SRP68: variants seen among roughly 807,000 people sequenced by gnomAD.
The protein encoded by SRP68 is signal recognition particle 68.
Under a neutral mutation model 82.2 loss-of-function variants are expected in SRP68, and 15 were observed. The ratio of observed to expected loss-of-function variants is 0.18; its 90% CI spans 0.12 to 0.28. SRP68 has a LOEUF of 0.28. SRP68 is among the 10% of genes least tolerant of loss of function. The probability of loss-of-function intolerance (pLI) is 1.00; values close to 1 mark genes in which losing one functional copy is unlikely to be tolerated. For missense variants in SRP68, 595 were observed against 780.5 expected (o/e 0.76, Z 2.83); for synonymous variants, 261 against 292.6 (o/e 0.89, Z 1.10).
At chr17:76,053,571 A>G in intron 8 of SRP68, 1 of 985,360 alleles carries the variant, frequency 1.0e-6, no homozygotes, top group African/African-American at 1.7e-5. Context: ...TGCTGAAACC[A>G]AAAAACCTCC....
chr17:76,072,010 G>A lies in SRP68; in HGVS notation c.184+298C>T. The A allele has an allele frequency of 1.9e-6, 1 of 513,188 alleles. No individual in the cohort carries two copies. The highest frequency in any genetic ancestry group is 3.4e-6 in the Non-Finnish European group (1 of 293,338). The allele number at this position is 513,188 out of a possible 1,614,324, so 31.8% of individuals were successfully genotyped here. A position where few individuals can be genotyped will look rare whatever the true frequency, so the allele number is the denominator to read the frequency against. On this transcript the variant is annotated intron_variant, in intron 1 of 15. Coordinates refer to ENST00000307877, the MANE Select transcript of SRP68 (RefSeq NM_014230.4). This position sits in a 1 kb window ranked among gnomAD's most constrained non-coding sequence, Gnocchi z 4.5. The stretch of plus-strand genomic sequence containing the variant: ...GGTGCCAAAGCAAGGTGCTCAAGGT[G>A]TCACTTGGTCACAAGCCCTCCAACT...
chr17:76,044,036 G>A lies in SRP68; in HGVS notation c.1395-78C>T, dbSNP rs950275340. 8.9e-5 allele frequency: 133 copies of A among 1,501,474 alleles called. No individual in the cohort carries two copies. In the Middle Eastern group the frequency reaches 2.4e-3, roughly 27 times the overall value. 93.0% of individuals were successfully genotyped at this position (1,501,474 alleles called of 1,614,324 possible). ...CCAAGGCTTTCCTTGCAGTTTAGGC[G>A]AAATTTCACATTTGGAAACAGGTTT... On this transcript the variant is annotated intron_variant, in intron 12 of 15. Transcript: ENST00000307877.
intron 9 of SRP68, chr17:76,048,636 G>GA (rs1255596192): frequency 1.3e-5 from 2 of 152,238 alleles, no homozygotes; most frequent in Non-Finnish European, 2.9e-5. Flanking sequence ...GAAGCCAGGA[G>GA]ATGCATTCTT....
At chr17:76,045,029 A>C (rs2598432) in intron 12 of SRP68, 120,855 of 310,978 alleles carry the variant, frequency 0.39, 24,249 homozygotes, top group Admixed American at 0.52. Context: ...AGTGTGAGCC[A>C]CCGCGCCCAG....
intron 10 of SRP68, 118 bp downstream of exon 10, chr17:76,047,788 C>CAA (rs5822115): frequency 0.02 from 7,080 of 346,386 alleles, 8 homozygotes; most frequent in Middle Eastern, 0.039. Context: ...GATCCTGTCT[C>CAA]AAAAAAAAAA....
intron 6 of SRP68, 76 bp from the exon 7 acceptor site, chr17:76,060,466 A>C: frequency 9.7e-7 from 1 of 1,033,448 alleles, no homozygotes; most frequent in Non-Finnish European, 1.5e-6. Flanking sequence ...ACTCAGACTT[A>C]AAGAGCTCTT....
In SRP68 at chr17:76,062,711, C is replaced by A. The variant is rs185289319; in HGVS notation, c.562-1137G>T. On this transcript the variant is annotated intron_variant, in intron 4 of 15. Transcript: ENST00000307877. ...TATACATTATATATTGTATATTATA[C>A]AATATATTATATTTATTTTATATAT... Among the ~76,000 whole-genome samples the A allele has an allele frequency of 2.6e-4, 12 of 47,012 alleles. 1 individual carries two copies. Among genetic ancestry groups the A allele is most frequent in the African/African-American group, 1.0e-3 (7 of 6,762 alleles). The allele number at this position is 47,012 out of a possible 152,430, so 30.8% of individuals were successfully genotyped here.
Position 76,072,383 on chromosome 17 carries a change from C to T in SRP68, c.109G>A (p.Glu37Lys), listed in dbSNP as rs2144539951. 2 of 1,611,126 alleles carry T rather than the reference C, an allele frequency of 1.2e-6. No homozygotes were observed. The highest frequency in any genetic ancestry group is 1.3e-5 in the African/African-American group (1 of 74,908). Reference sequence around the variant, plus strand: ...GAAGGGCGTTCGTTTTCTTTATTTTCTTCCCCTCCGGCACCACGTCCACCG... The same window carrying T: ...GAAGGGCGTTCGTTTTCTTTATTTTTTTCCCCTCCGGCACCACGTCCACCG... ...SGGGRGAGGE[E>K]NKENERPSAG... Residue 37 changes from glutamate (E) to lysine (K), a missense_variant, in exon 1 of 16, where the codon GAA becomes AAA. Around this residue, in one of 2 missense-constraint regions of SRP68, gnomAD observed 100 missense variants for 91.9 expected, o/e 1.09. Transcript: ENST00000307877. The surrounding 1 kb of genome is among the most constrained non-coding windows in gnomAD (Gnocchi z 4.5).
rs1432817242 is a variant in SRP68, at chr17:76,067,202, T to C, written c.365+15A>G. Reference sequence around the variant, plus strand: ...AGCAAGAAGTAATTTGCAACTAGCATGGAGCAGTCAATACCTATTATCGGT... The same window carrying C: ...AGCAAGAAGTAATTTGCAACTAGCACGGAGCAGTCAATACCTATTATCGGT... On this transcript the variant is annotated intron_variant, in intron 3 of 15. Coordinates refer to ENST00000307877, the MANE Select transcript of SRP68 (RefSeq NM_014230.4). 6.3e-7 allele frequency: 1 copy of C among 1,581,348 alleles called. No individual in the cohort carries two copies. Among genetic ancestry groups the C allele is most frequent in the Non-Finnish European group, 8.7e-7 (1 of 1,150,460 alleles).
At chr17:76,053,511 G>C (rs1277401433) in intron 8 of SRP68, 3 of 985,228 alleles carry the variant, frequency 3.0e-6, no homozygotes, top group Non-Finnish European at 3.6e-6. Flanking sequence ...AAAACCTCTT[G>C]ACTGCCACGT....
intron 7 of SRP68, among the ~76,000 whole-genome samples, chr17:76,059,969 TA>T (rs2066739738): frequency 6.7e-6 from 1 of 149,402 alleles, no homozygotes; most frequent in African/African-American, 2.5e-5. Context: ...ACTACAAATA[TA>T]AAAAAATTAG....
rs760832623 is a variant in SRP68 at position 76,047,974 on chromosome 17, C to A, written c.1078-4G>T. On this transcript the variant is annotated splice_region_variant and splice_polypyrimidine_tract_variant and intron_variant, in intron 9 of 15. Transcript: ENST00000307877. ...CAAGGATATAATCTCTCTGTTTCTG[C>A]AGAAAGTGAAAAAGGTAAAAAGTAA... The A allele has an allele frequency of 2.0e-5, 31 of 1,567,888 alleles. No individual in the cohort carries two copies. Among genetic ancestry groups the A allele is most frequent in the South Asian group, 1.2e-5 (1 of 82,258 alleles).
chr17:76,072,116 G>T lies in SRP68; in HGVS notation c.184+192C>A. 2 of 1,117,102 alleles carry T rather than the reference G, an allele frequency of 1.8e-6. No individual in the cohort carries two copies. The highest frequency in any genetic ancestry group is 2.5e-6 in the Non-Finnish European group (2 of 795,910). The allele number at this position is 1,117,102 out of a possible 1,614,324, so 69.2% of individuals were successfully genotyped here. On this transcript the variant is annotated intron_variant, in intron 1 of 15. Transcript: ENST00000307877. The surrounding 1 kb of genome is among the most constrained non-coding windows in gnomAD (Gnocchi z 4.5). ...AAACGGACCTAGCCAGGACGGCGAG[G>T]GGGACACGAGGAAAGACTAGTCGAG... is the stretch of plus-strand genomic sequence containing the variant.
intron 1 of SRP68, among the ~76,000 whole-genome samples, chr17:76,070,735 G>C (rs146349215): frequency 6.6e-6 from 1 of 151,392 alleles, no homozygotes; most frequent in Non-Finnish European, 1.5e-5. Context: ...CCAGCTACTC[G>C]GGAGGCTGAG....
chr17:76,055,901 G>A (rs1326809613), intron 8 of SRP68, among the ~76,000 whole-genome samples: 4 of 141,522 alleles, frequency 2.8e-5, no homozygotes, highest in Middle Eastern at 4.1e-3. Context: ...TCAAGCTCCC[G>A]GGCTCAAGTG....
At chr17:76,060,700 G>A in intron 6 of SRP68, 1 of 362,698 alleles carries the variant, frequency 2.8e-6, no homozygotes, top group Non-Finnish European at 5.0e-6. Context: ...TGTCTATAAA[G>A]GGCCATCAAT....
At chr17:76,060,429 C>T (rs1598266427) in intron 6 of SRP68, 39 bp from the exon 7 acceptor site, 1 of 1,521,782 alleles carries the variant, frequency 6.6e-7, no homozygotes, top group South Asian at 1.1e-5. Context: ...AGGGTCTGGT[C>T]TGTTTTCTTG....
At chr17:76,050,853 C>G (rs1160530224) in intron 8 of SRP68, among the ~76,000 whole-genome samples, 1 of 151,816 alleles carries the variant, frequency 6.6e-6, no homozygotes, top group Non-Finnish European at 1.5e-5. Flanking sequence ...GCGCTTCACC[C>G]TCTGCTCAGG....
chr17:76,042,327 G>A (rs1036413893), intron 13 of SRP68, among the ~76,000 whole-genome samples: 1 of 152,002 alleles, frequency 6.6e-6, no homozygotes, highest in African/African-American at 2.4e-5. Context: ...TAAAGCACCG[G>A]GAGTAGTGGC....
Sources: allele counts gnomAD v4.1 joint callset (sites outside exome capture counted in the v4.1 genomes callset), GRCh38; gene constraint gnomAD v4.1.1; regional missense constraint gnomAD v4.1.1; non-coding constraint Gnocchi (gnomAD v3.1); transcripts MANE v1.5; gene names NCBI Gene and HGNC (gene_info 2026-07-23, HGNC 2026-07-21).